Variants in BAZ2B observed in about 807,000 individuals in gnomAD.
BAZ2B encodes the protein bromodomain adjacent to zinc finger domain protein 2B.
In BAZ2B, 91 loss-of-function variants were observed where a neutral mutation model predicts 246.0. The ratio of observed to expected loss-of-function variants is 0.37; its 90% CI spans 0.31 to 0.44. BAZ2B has a LOEUF of 0.44. BAZ2B is among the 20% of genes least tolerant of loss of function. The pLI is 1.00. For missense variants in BAZ2B, 2,332 were observed against 2,533.7 expected (o/e 0.92, Z 1.71); for synonymous variants, 855 against 860.0 (o/e 0.99, Z 0.10).
chr2:159,580,425 C>CAAATAG (rs879583426), intron 1 of BAZ2B, among the ~76,000 whole-genome samples: 6 of 152,120 alleles, frequency 3.9e-5, no homozygotes, highest in Non-Finnish European at 8.8e-5. Context: ...ATGACACAAA[C>CAAATAG]AAATAGAAGA....
chr2:159,671,330 T>C, the BAZ2B span, among the ~76,000 whole-genome samples: 1 of 152,036 alleles, frequency 6.6e-6, no homozygotes, highest in Non-Finnish European at 1.5e-5. Context: ...AAGAACCATT[T>C]CAAATAAAAA....
At chr2:159,631,981 C>T in the BAZ2B span, among the ~76,000 whole-genome samples, 1 of 152,046 alleles carries the variant, frequency 6.6e-6, no homozygotes, top group Non-Finnish European at 1.5e-5. Flanking sequence ...TGTCCTTTAA[C>T]AGTTATAGGT....
At position 159,453,657 on chromosome 2, in the gene BAZ2B, G is replaced by A; in HGVS notation, c.290C>T (p.Thr97Ile). 1 of 1,613,260 alleles carries A rather than the reference G, an allele frequency of 6.2e-7. No individual in the cohort carries two copies. The highest frequency in any genetic ancestry group is 1.7e-5 in the Admixed American group (1 of 59,910). ...GGGATGTGCGGCTAAGGCTGTGGGT[G>A]TACCAAGTGTCCCCAAACCACCAAA... is the stretch of plus-strand genomic sequence containing the variant. ...SEFGGLGTLGTPTALAAHPQL... is the reference protein window; with the variant it reads ...SEFGGLGTLGIPTALAAHPQL... Residue 97 changes from threonine to isoleucine, a missense_variant, in exon 4 of 37, where the codon ACA becomes ATA. Physicochemically the swap from Thr to Ile is moderately conservative, Grantham distance 89. Around this residue, in one of 9 missense-constraint regions of BAZ2B, gnomAD observed 242 missense variants for 237.4 expected, o/e 1.02. Coordinates refer to ENST00000392783, the MANE Select transcript of BAZ2B (RefSeq NM_013450.4).
At chr2:159,355,313 C>T (rs898065826) in intron 27 of BAZ2B, among the ~76,000 whole-genome samples, 1 of 152,122 alleles carries the variant, frequency 6.6e-6, no homozygotes, top group Non-Finnish European at 1.5e-5. Context: ...TACCACAAAC[C>T]AGCTCCTAGG....
At position 159,373,154 on chromosome 2, in the gene BAZ2B, C is replaced by T. The variant is rs139267542; in HGVS notation, c.4104G>A (p.Ala1368=). ...ACATCACTGAACGCAATGAGTGAGA[C>T]GCATCAAAGAGCTTCCTTCTGTACT... is the stretch of plus-strand genomic sequence containing the variant. ...QSQYRRKLFD[A]SHSLRSVMFG... The change falls in exon 27 of 37, where the codon GCG becomes GCA. Residue 1368 remains alanine (A), a synonymous_variant. Coordinates refer to ENST00000392783, the MANE Select transcript of BAZ2B (RefSeq NM_013450.4). 270 of 1,613,834 alleles carry T rather than the reference C, an allele frequency of 1.7e-4. 1 individual carries two copies. The East Asian group carries it at 3.2e-3, about 19-fold the overall frequency.
chr2:159,594,614 T>C (rs1433878383), intron 1 of BAZ2B, among the ~76,000 whole-genome samples: 1 of 146,670 alleles, frequency 6.8e-6, no homozygotes, highest in Non-Finnish European at 1.5e-5. Flanking sequence ...TTCAAGTAAA[T>C]TGAGTCATTA....
intron 32 of BAZ2B, 122 bp from the exon 33 acceptor site, chr2:159,337,199 G>C: frequency 1.5e-6 from 2 of 1,296,958 alleles, no homozygotes; most frequent in Non-Finnish European, 2.1e-6. Context: ...ATAAGTATAA[G>C]GTTTAAGCAA....
the BAZ2B span, among the ~76,000 whole-genome samples, chr2:159,703,217 A>G: frequency 2.0e-4 from 31 of 151,390 alleles, no homozygotes; most frequent in East Asian, 6.1e-3. Context: ...CTTTCCAAGT[A>G]GCTTGGATTA....
At chr2:159,470,458 A>G (rs561382037) in intron 3 of BAZ2B, among the ~76,000 whole-genome samples, 1 of 152,376 alleles carries the variant, frequency 6.6e-6, no homozygotes. Context: ...TATATTGTAC[A>G]TAAATCACAC....
At chr2:159,374,544 T>C (rs1380861455) in intron 26 of BAZ2B, 147 bp downstream of exon 26, 3 of 656,024 alleles carry the variant, frequency 4.6e-6, no homozygotes, top group Non-Finnish European at 7.8e-6. Context: ...TATTTTTTTT[T>C]CTGACAAAAA....
Position 159,332,566 on chromosome 2 carries a change from A to G in BAZ2B, c.5917T>C (p.Trp1973Arg). Residue 1973 changes from tryptophan (W) to arginine (R), a missense_variant, in exon 34 of 37, where the codon TGG becomes CGG. Physicochemically the swap from Trp to Arg is moderately radical, Grantham distance 101. This residue lies in a region of BAZ2B where 210 missense variants were observed against 232.5 expected (regional missense o/e 0.90). Transcript: ENST00000392783. ...TTAGCAATGCAAGCTGGACAAAACCAGTCTCCATCTGGGATTGTTGTAATC... is the reference window on the plus strand; with the variant it reads ...TTAGCAATGCAAGCTGGACAAAACCGGTCTCCATCTGGGATTGTTGTAATC... ...PKITTIPDGD[W>R]FCPACIAKAS... The G allele has an allele frequency of 5.6e-6, 9 of 1,614,032 alleles. No individual in the cohort carries two copies. The highest frequency in any genetic ancestry group is 7.6e-6 in the Non-Finnish European group (9 of 1,179,938).
chr2:159,649,615 T>C, the BAZ2B span, among the ~76,000 whole-genome samples: 6 of 152,266 alleles, frequency 3.9e-5, no homozygotes, highest in Admixed American at 6.5e-5. Context: ...GTCTTTTTTT[T>C]CCTCAAGCTG....
At chr2:159,518,310 T>G (rs939178499) in intron 2 of BAZ2B, among the ~76,000 whole-genome samples, 3 of 152,144 alleles carry the variant, frequency 2.0e-5, no homozygotes, top group Admixed American at 2.0e-4. Context: ...CAAAAACCAG[T>G]TGGAAAAAGA....
the BAZ2B span, among the ~76,000 whole-genome samples, chr2:159,704,337 G>C: frequency 6.6e-6 from 1 of 152,172 alleles, no homozygotes; most frequent in East Asian, 1.9e-4. Flanking sequence ...GAAAAAATAA[G>C]TTAACATCAT....
At chr2:159,662,649 C>A in the BAZ2B span, among the ~76,000 whole-genome samples, 1 of 152,036 alleles carries the variant, frequency 6.6e-6, no homozygotes, top group East Asian at 1.9e-4. Flanking sequence ...CTCAGCCTCC[C>A]GAGTAGCTGA....
At chr2:159,326,240 A>G (rs1412733994) in intron 34 of BAZ2B, among the ~76,000 whole-genome samples, 1 of 152,222 alleles carries the variant, frequency 6.6e-6, no homozygotes, top group African/African-American at 2.4e-5. Context: ...TTAAAGATAC[A>G]AAAGAATTCT....
At chr2:159,351,288 A>G (rs767316435) in intron 27 of BAZ2B, among the ~76,000 whole-genome samples, 1 of 152,154 alleles carries the variant, frequency 6.6e-6, no homozygotes, top group Non-Finnish European at 1.5e-5. Context: ...ACACCTTGAC[A>G]TGTCGATAAA....
intron 22 of BAZ2B, 137 bp from the exon 23 acceptor site, chr2:159,385,506 GAC>G: frequency 1.4e-6 from 1 of 703,510 alleles, no homozygotes; most frequent in South Asian, 2.2e-5. Context: ...TAATGAAAGA[GAC>G]ACAAAAATAG....
At chr2:159,347,062 T>C (rs1012464498) in intron 31 of BAZ2B, among the ~76,000 whole-genome samples, 6 of 152,228 alleles carry the variant, frequency 3.9e-5, no homozygotes, top group Non-Finnish European at 8.8e-5. Flanking sequence ...TAACAAGGCT[T>C]GTATGTAAGG....
Sources: gnomAD v4.1 joint callset for allele counts (sites outside exome capture counted in the v4.1 genomes callset) on GRCh38, gnomAD v4.1.1 for gene constraint, gnomAD v4.1.1 regional missense constraint, MANE v1.5 for transcripts, NCBI Gene and HGNC (gene_info 2026-07-23, HGNC 2026-07-21) for gene names.